The following GLRX3 variants were observed in gnomAD, a reference collection of about 807,000 sequenced individuals.
GLRX3 encodes the protein glutaredoxin-3.
A neutral mutation model predicts 49.5 loss-of-function variants in GLRX3; 22 were observed. That is an observed-to-expected ratio of 0.44 (90% confidence interval 0.32 to 0.63). The LOEUF (loss-of-function observed/expected upper bound fraction) is 0.63. Among genes scored for constraint, GLRX3 ranks in the 30% least tolerant of loss-of-function variants. The probability of loss-of-function intolerance (pLI) is 0.05; values close to 1 mark genes in which losing one functional copy is unlikely to be tolerated. For synonymous variants in GLRX3, 133 were observed against 140.0 expected (o/e 0.95, Z 0.35); for missense variants, 385 against 396.3 (o/e 0.97, Z 0.24).
At chr10:130,162,223 G>A (rs1218107310) in intron 4 of GLRX3, among the ~76,000 whole-genome samples, 2 of 152,112 alleles carry the variant, frequency 1.3e-5, no homozygotes, top group African/African-American at 4.8e-5. Context: ...CAGGTGATCC[G>A]CCTGCCTTGG....
chr10:130,144,890 T>A (rs1240189911), intron 1 of GLRX3, among the ~76,000 whole-genome samples: 1 of 152,226 alleles, frequency 6.6e-6, no homozygotes, highest in Non-Finnish European at 1.5e-5. Flanking sequence ...CCACACTGTC[T>A]TCCACAATGG....
At chr10:130,179,047 A>G (rs771722388) in intron 10 of GLRX3, among the ~76,000 whole-genome samples, 1 of 152,164 alleles carries the variant, frequency 6.6e-6, no homozygotes, top group Non-Finnish European at 1.5e-5. Flanking sequence ...CATGTTGGTC[A>G]GGCTGGTCTT....
At chr10:130,138,314 C>T (rs72846702) in intron 1 of GLRX3, among the ~76,000 whole-genome samples, 32,814 of 152,084 alleles carry the variant, frequency 0.22, 3,866 homozygotes, top group South Asian at 0.3. Flanking sequence ...CTGCCTCGGC[C>T]TTGTAAAGTA....
At chr10:130,139,594 A>G (rs895127648) in intron 1 of GLRX3, among the ~76,000 whole-genome samples, 19 of 150,084 alleles carry the variant, frequency 1.3e-4, no homozygotes, top group African/African-American at 4.2e-4. Context: ...GTGAGCCAAG[A>G]TCGTGGCACT....
intron 2 of GLRX3, among the ~76,000 whole-genome samples, chr10:130,153,821 C>G (rs117216648): frequency 6.6e-6 from 1 of 152,182 alleles, no homozygotes; most frequent in Non-Finnish European, 1.5e-5. Context: ...GGAGAACCAC[C>G]TGCTCTCTTC....
intron 10 of GLRX3, among the ~76,000 whole-genome samples, chr10:130,177,569 T>C (rs1395740041): frequency 6.6e-6 from 1 of 152,218 alleles, no homozygotes; most frequent in Non-Finnish European, 1.5e-5. Context: ...AGAGGTCAGG[T>C]GAATTGTCCA....
At chr10:130,136,747 C>T (rs1447406032) in intron 1 of GLRX3, among the ~76,000 whole-genome samples, 1 of 152,190 alleles carries the variant, frequency 6.6e-6, no homozygotes, top group East Asian at 1.9e-4. Context: ...CGCCTGGAAG[C>T]CCCGGCCCCA....
chr10:130,160,141 C>G (rs1399146413), intron 3 of GLRX3, 72 bp downstream of exon 3: 5 of 874,262 alleles, frequency 5.7e-6, no homozygotes, highest in Non-Finnish European at 9.7e-6. Context: ...TGTTTCTTTA[C>G]CCTCTCTCTA....
chr10:130,154,486 T>A (rs549425586), intron 2 of GLRX3, among the ~76,000 whole-genome samples: 1 of 152,312 alleles, frequency 6.6e-6, no homozygotes, highest in Admixed American at 6.5e-5. Context: ...CAGCCTAAAC[T>A]ATCAAAACTG....
At chr10:130,174,613 TAAG>T (rs757056350) in intron 8 of GLRX3, among the ~76,000 whole-genome samples, 26 of 152,226 alleles carry the variant, frequency 1.7e-4, no homozygotes, top group Non-Finnish European at 1.6e-4. Flanking sequence ...TCTGACTCTT[TAAG>T]AAGAAGTTTG....
chr10:130,170,244 G>T (rs545060623), intron 7 of GLRX3, among the ~76,000 whole-genome samples: 3 of 152,268 alleles, frequency 2.0e-5, no homozygotes, highest in Non-Finnish European at 2.9e-5. Flanking sequence ...TAGAGATAAA[G>T]AAACCAAAGT....
At chr10:130,144,420 C>A (rs1380362600) in intron 1 of GLRX3, among the ~76,000 whole-genome samples, 1 of 151,912 alleles carries the variant, frequency 6.6e-6, no homozygotes, top group Non-Finnish European at 1.5e-5. Context: ...TTAAGCCCTG[C>A]ATGCATTAGG....
At chr10:130,147,170 T>A (rs1862285758) in intron 2 of GLRX3, among the ~76,000 whole-genome samples, 1 of 152,198 alleles carries the variant, frequency 6.6e-6, no homozygotes, top group Non-Finnish European at 1.5e-5. Context: ...AACCCTAAAA[T>A]GTCCAATATA....
chr10:130,147,269 CAT>C (rs986968773), intron 2 of GLRX3, among the ~76,000 whole-genome samples: 8 of 152,252 alleles, frequency 5.3e-5, no homozygotes, highest in Admixed American at 5.2e-4. Context: ...ACATTTCAAT[CAT>C]AAGATTAATC....
intron 1 of GLRX3, 120 bp from the exon 2 acceptor site, chr10:130,145,091 G>A (rs1170218533): frequency 2.0e-6 from 1 of 493,680 alleles, no homozygotes; most frequent in African/African-American, 1.9e-5. Context: ...CTAGCAATAT[G>A]AAAAACTTCA....
intron 8 of GLRX3, 145 bp from the exon 9 acceptor site, chr10:130,174,722 A>T (rs1862880259): frequency 1.6e-6 from 1 of 643,774 alleles, no homozygotes; most frequent in Admixed American, 2.7e-5. Flanking sequence ...ACAGATTAAG[A>T]AGTAAAATCA....
At chr10:130,140,777 A>T (rs1468252528) in intron 1 of GLRX3, among the ~76,000 whole-genome samples, 1 of 152,142 alleles carries the variant, frequency 6.6e-6, no homozygotes, top group Non-Finnish European at 1.5e-5. Context: ...TGGCGTTGAA[A>T]GTTCTTTGAA....
At position 130,166,542 on chromosome 10, in the gene GLRX3, C is replaced by T. The variant is rs750960659; in HGVS notation, c.514C>T (p.His172Tyr). The change falls in exon 5 of 11, where the codon CAT (histidine) becomes TAT (tyrosine). Residue 172 changes from histidine to tyrosine, a missense_variant. By Grantham distance (83) the His-to-Tyr change is moderately conservative (BLOSUM62 2). Around this residue, in one of 2 missense-constraint regions of GLRX3, gnomAD observed 374 missense variants for 358.6 expected, o/e 1.04. Transcript: ENST00000331244. ...GCAGATGGTGGAAATTCTTCACAAA[C>T]ATAATATTCAGTTTAGCAGTTTTGA... is the stretch of plus-strand genomic sequence containing the variant. ...SKQMVEILHK[H>Y]NIQFSSFDIF... 5.0e-6 allele frequency: 8 copies of T among 1,613,222 alleles called. No individual in the cohort carries two copies. The highest frequency in any genetic ancestry group is 6.8e-6 in the Non-Finnish European group (8 of 1,179,306).
At chr10:130,170,073 G>A (rs1458801772) in intron 7 of GLRX3, among the ~76,000 whole-genome samples, 2 of 152,180 alleles carry the variant, frequency 1.3e-5, no homozygotes, top group Admixed American at 1.3e-4. Flanking sequence ...GATAGTTTGA[G>A]CAGAACTAAT....
Sources: gnomAD v4.1 joint callset for allele counts (sites outside exome capture counted in the v4.1 genomes callset) on GRCh38, gnomAD v4.1.1 for gene constraint, gnomAD v4.1.1 regional missense constraint, MANE v1.5 for transcripts, NCBI Gene and HGNC (gene_info 2026-07-23, HGNC 2026-07-21) for gene names.